The following USP37 variants were observed in gnomAD, a reference collection of about 807,000 sequenced individuals.
The protein encoded by USP37 is ubiquitin carboxyl-terminal hydrolase 37.
A neutral mutation model predicts 124.0 loss-of-function variants in USP37; 27 were observed. The observed-to-expected ratio is 0.22, with a 90% confidence interval of 0.16 to 0.30. USP37 has a LOEUF of 0.30. Ranked by LOEUF, USP37 falls within the 10% of genes least tolerant of loss-of-function variation. The pLI, the probability that USP37 is intolerant of heterozygous loss-of-function variation, is 1.00. For missense variants in USP37, 889 were observed against 1,140.4 expected (o/e 0.78, Z 3.17); for synonymous variants, 365 against 388.0 (o/e 0.94, Z 0.70).
In USP37 at chr2:218,450,643, G is replaced by A. The variant is rs923680349; in HGVS notation, c.*4287C>T. ...CAAGAGGTGTGCACACCCACATGTGGTCTCACTCTTCACACAGGCCCACTA... is the reference window on the plus strand; with the variant it reads ...CAAGAGGTGTGCACACCCACATGTGATCTCACTCTTCACACAGGCCCACTA... On this transcript the variant is annotated 3_prime_UTR_variant, in exon 26 of 26. Coordinates refer to ENST00000258399, the MANE Select transcript of USP37 (RefSeq NM_020935.3). 6.6e-6 allele frequency: 1 copy of A among 152,476 alleles called. No homozygotes were observed. The highest frequency in any genetic ancestry group is 2.4e-5 in the African/African-American group (1 of 41,442). 9.4% of individuals were successfully genotyped at this position (152,476 alleles called of 1,614,324 possible).
intron 10 of USP37, among the ~76,000 whole-genome samples, chr2:218,510,666 G>C (rs1216851959): frequency 6.6e-6 from 1 of 152,018 alleles, no homozygotes; most frequent in Admixed American, 6.6e-5. Flanking sequence ...ACCTTCCATC[G>C]CCTCATATGT....
chr2:218,467,176 C>G (rs192798305), intron 20 of USP37, among the ~76,000 whole-genome samples: 4 of 151,240 alleles, frequency 2.6e-5, no homozygotes, highest in Non-Finnish European at 5.9e-5. Context: ...TCCCCTCCCC[C>G]CTCCTCCCTT....
At chr2:218,462,288 T>C (rs1559161662) in intron 22 of USP37, among the ~76,000 whole-genome samples, 1 of 151,942 alleles carries the variant, frequency 6.6e-6, no homozygotes, top group Non-Finnish European at 1.5e-5. Context: ...TGAGCAGAGA[T>C]CACGCCTCTG....
At chr2:218,457,027 A>G in intron 24 of USP37, 65 bp downstream of exon 24, 1 of 1,492,638 alleles carries the variant, frequency 6.7e-7, no homozygotes, top group Non-Finnish European at 9.3e-7. Flanking sequence ...GCAAAGAGCA[A>G]TATAATAAAG....
intron 23 of USP37, among the ~76,000 whole-genome samples, chr2:218,458,264 A>AAC (rs1689814454): frequency 7.0e-6 from 1 of 143,830 alleles, no homozygotes; most frequent in Non-Finnish European, 1.5e-5. Flanking sequence ...AAAAAAAAAA[A>AAC]AAAAAAAAAA....
At chr2:218,469,974 C>A (rs1048379280) in intron 20 of USP37, among the ~76,000 whole-genome samples, 1 of 151,964 alleles carries the variant, frequency 6.6e-6, no homozygotes, top group Non-Finnish European at 1.5e-5. Flanking sequence ...GCGACCGCCA[C>A]CATGCCTGGC....
At position 218,564,163 on chromosome 2, in the gene USP37, C is replaced by T. The variant is rs762098895; in HGVS notation, c.-229-1350G>A. ...GAAATCTTGGCATCAGCTTTATCCT[C>T]ACTCTTATCTACTCAAATCCCAGAT... On this transcript the variant is annotated intron_variant, in intron 1 of 25. Coordinates refer to ENST00000258399, the MANE Select transcript of USP37 (RefSeq NM_020935.3). Among the ~76,000 whole-genome samples, 188 of 152,184 alleles carry T rather than the reference C, an allele frequency of 1.2e-3. 1 individual carries two copies. The highest frequency in any genetic ancestry group is 2.1e-3 in the Non-Finnish European group (140 of 68,020).
intron 8 of USP37, among the ~76,000 whole-genome samples, chr2:218,540,666 T>C (rs1000853536): frequency 1.3e-5 from 2 of 152,154 alleles, no homozygotes; most frequent in African/African-American, 4.8e-5. Flanking sequence ...TTATGAATTA[T>C]TTATTTCTGG....
chr2:218,544,422 TATATATATAGAGAGAGAG>T (rs1692195786), intron 8 of USP37, among the ~76,000 whole-genome samples: 3 of 56,334 alleles, frequency 5.3e-5, no homozygotes, highest in African/African-American at 8.8e-5. Flanking sequence ...TATATATATA[TATATATATAGAGAGAGAG>T]AGAGAGAGAG....
chr2:218,499,909 C>T, intron 11 of USP37, among the ~76,000 whole-genome samples: 1 of 151,766 alleles, frequency 6.6e-6, no homozygotes, highest in East Asian at 1.9e-4. Context: ...AGCTTCCCCA[C>T]TACAATGTGT....
intron 10 of USP37, among the ~76,000 whole-genome samples, chr2:218,526,931 G>A (rs1691005761): frequency 6.6e-6 from 1 of 151,622 alleles, no homozygotes; most frequent in Non-Finnish European, 1.5e-5. Context: ...TGGGACTACA[G>A]GCGCCCGCCA....
At chr2:218,477,032 T>C (rs374184478) in intron 18 of USP37, 51 bp from the exon 19 acceptor site, 3 of 1,442,362 alleles carry the variant, frequency 2.1e-6, no homozygotes, top group Non-Finnish European at 2.7e-6. Flanking sequence ...GTCTTTGTTA[T>C]TCTTTTATTG....
chr2:218,490,356 T>C (rs1359080516), intron 14 of USP37, among the ~76,000 whole-genome samples: 1 of 152,084 alleles, frequency 6.6e-6, no homozygotes, highest in Non-Finnish European at 1.5e-5. Flanking sequence ...AAATAAATAA[T>C]CTACATGTTC....
At chr2:218,530,590 C>T (rs1360754894) in intron 9 of USP37, among the ~76,000 whole-genome samples, 1 of 152,116 alleles carries the variant, frequency 6.6e-6, no homozygotes, top group African/African-American at 2.4e-5. Flanking sequence ...ACAATGACCT[C>T]TGTGTTTTTA....
intron 20 of USP37, 119 bp from the exon 21 acceptor site, chr2:218,466,295 G>T: frequency 8.7e-7 from 1 of 1,150,138 alleles, no homozygotes; most frequent in Non-Finnish European, 1.2e-6. Flanking sequence ...AATTTGCTTA[G>T]GACATACAAT....
At chr2:218,479,621 A>T in intron 18 of USP37, 29 bp downstream of exon 18, 1 of 1,597,024 alleles carries the variant, frequency 6.3e-7, no homozygotes, top group Non-Finnish European at 8.6e-7. Flanking sequence ...TTAAACACAG[A>T]TTTTGGGTAC....
chr2:218,514,931 T>C (rs1036719920), intron 10 of USP37, among the ~76,000 whole-genome samples: 2 of 152,214 alleles, frequency 1.3e-5, no homozygotes, highest in Non-Finnish European at 2.9e-5. Context: ...TTCGTAACTA[T>C]AATTGTTCTA....
intron 8 of USP37, among the ~76,000 whole-genome samples, chr2:218,541,141 C>G (rs1010314177): frequency 1.3e-5 from 2 of 152,152 alleles, no homozygotes; most frequent in African/African-American, 2.4e-5. Context: ...TTCAATAACT[C>G]ACTTGGAGAA....
rs1007328352 is a variant in USP37 at position 218,568,236 on chromosome 2, A to T, written c.-288T>A. ...CGCGGAAAGCACGGAGCCCGCGAGG[A>T]GTGGGAGGAGCCGAGGGTAATGGAA... On this transcript the variant is annotated 5_prime_UTR_variant, in exon 1 of 26. Transcript: ENST00000258399. 1.3e-5 allele frequency: 2 copies of T among 152,296 alleles called. No individual in the cohort carries two copies. Among genetic ancestry groups the T allele is most frequent in the Non-Finnish European group, 2.9e-5 (2 of 68,118 alleles). The allele number at this position is 152,296 out of a possible 1,614,324, so 9.4% of individuals were successfully genotyped here.
Sources: allele counts gnomAD v4.1 joint callset (sites outside exome capture counted in the v4.1 genomes callset), GRCh38; gene constraint gnomAD v4.1.1; transcripts MANE v1.5; gene names NCBI Gene and HGNC (gene_info 2026-07-23, HGNC 2026-07-21).